Variants in MAGI2 observed in about 807,000 individuals in gnomAD.
MAGI2 encodes the protein membrane-associated guanylate kinase, WW and PDZ domain-containing protein 2.
A neutral mutation model predicts 133.3 loss-of-function variants in MAGI2; 35 were observed. That is an observed-to-expected ratio of 0.26 (90% CI 0.20 to 0.35). MAGI2 has a LOEUF of 0.35. MAGI2 is among the 10% of genes least tolerant of loss of function. MAGI2 has a pLI of 1.00. For synonymous variants in MAGI2, 729 were observed against 710.6 expected (o/e 1.03, Z -0.41); for missense variants, 1,636 against 1,863.4 (o/e 0.88, Z 2.25).
At chr7:79,035,857 G>A (rs190794563) in intron 1 of MAGI2, among the ~76,000 whole-genome samples, 119 of 152,280 alleles carry the variant, frequency 7.8e-4, no homozygotes, top group African/African-American at 2.7e-3. Flanking sequence ...CCTGTAAATT[G>A]AGAAAGTATA....
chr7:79,395,898 T>C (rs1845012610), intron 1 of MAGI2, among the ~76,000 whole-genome samples: 1 of 152,134 alleles, frequency 6.6e-6, no homozygotes, highest in African/African-American at 2.4e-5. Context: ...AAGGAGACCG[T>C]CTAAAATAGG....
intron 16 of MAGI2, among the ~76,000 whole-genome samples, chr7:78,141,905 T>C (rs1822799229): frequency 6.6e-6 from 1 of 152,170 alleles, no homozygotes; most frequent in Non-Finnish European, 1.5e-5. Context: ...AGAGAAACAC[T>C]CAGCAGCCAT....
At chr7:78,688,655 T>C (rs1475533033) in intron 2 of MAGI2, among the ~76,000 whole-genome samples, 3 of 152,172 alleles carry the variant, frequency 2.0e-5, no homozygotes, top group African/African-American at 4.8e-5. Context: ...CTTTTATCAG[T>C]GCGAGGTGGA....
chr7:78,482,684 A>G (rs1240740044), intron 6 of MAGI2, among the ~76,000 whole-genome samples: 2 of 151,948 alleles, frequency 1.3e-5, no homozygotes. Context: ...CATTTATAGA[A>G]TATTTTTGCA....
At chr7:78,730,072 G>A (rs1821219868) in intron 2 of MAGI2, among the ~76,000 whole-genome samples, 1 of 151,946 alleles carries the variant, frequency 6.6e-6, no homozygotes, top group South Asian at 2.1e-4. Context: ...TAAACCAAAT[G>A]CAACTCAAAT....
At chr7:78,581,878 A>C (rs1802873296) in intron 3 of MAGI2, among the ~76,000 whole-genome samples, 1 of 152,196 alleles carries the variant, frequency 6.6e-6, no homozygotes, top group African/African-American at 2.4e-5. Context: ...GGAGGAACTT[A>C]GTAAGGCCTG....
chr7:79,191,499 C>CCTGTAACT (rs929930767), intron 1 of MAGI2, among the ~76,000 whole-genome samples: 1 of 134,952 alleles, frequency 7.4e-6, no homozygotes, highest in African/African-American at 2.8e-5. Context: ...GCTTATGAAG[C>CCTGTAACT]CTGTAACTCT....
At chr7:78,759,132 A>C (rs1374952081) in intron 2 of MAGI2, among the ~76,000 whole-genome samples, 1 of 152,202 alleles carries the variant, frequency 6.6e-6, no homozygotes, top group Non-Finnish European at 1.5e-5. Flanking sequence ...TCACTGTCAG[A>C]AATACATTTT....
intron 2 of MAGI2, among the ~76,000 whole-genome samples, chr7:78,866,432 G>T (rs1794560719): frequency 6.6e-6 from 1 of 152,018 alleles, no homozygotes; most frequent in Non-Finnish European, 1.5e-5. Context: ...TTATGGGTGG[G>T]GGAGGGAAAC....
At chr7:78,284,528 A>G (rs1452222599) in intron 9 of MAGI2, among the ~76,000 whole-genome samples, 1 of 151,768 alleles carries the variant, frequency 6.6e-6, no homozygotes, top group African/African-American at 2.4e-5. Flanking sequence ...CCAGAAGTCA[A>G]TGCAATGTAT....
intron 2 of MAGI2, among the ~76,000 whole-genome samples, chr7:78,725,929 C>G (rs189099724): frequency 6.6e-6 from 1 of 152,150 alleles, no homozygotes; most frequent in African/African-American, 2.4e-5. Flanking sequence ...ACTCCAAACC[C>G]CCTTTACCTA....
chr7:79,369,894 C>A (rs533468426), intron 1 of MAGI2, among the ~76,000 whole-genome samples: 1 of 152,178 alleles, frequency 6.6e-6, no homozygotes, highest in Admixed American at 6.5e-5. Flanking sequence ...TATTCATATT[C>A]CCCTCTCCCA....
chr7:78,889,487 G>A (rs1218561156), intron 2 of MAGI2, among the ~76,000 whole-genome samples: 3 of 152,122 alleles, frequency 2.0e-5, no homozygotes, highest in South Asian at 2.1e-4. Flanking sequence ...AGAAAGGTCG[G>A]GTTACCCACA....
chr7:79,041,898 A>C lies in MAGI2; in HGVS notation c.302-34692T>G, dbSNP rs558744004. Among the ~76,000 whole-genome samples the C allele has an allele frequency of 2.3e-3, 350 of 152,262 alleles. 2 individuals carry two copies. The highest frequency in any genetic ancestry group is 8.1e-3 in the African/African-American group (337 of 41,574). On this transcript the variant is annotated intron_variant, in intron 1 of 21. Transcript: ENST00000354212. ...TAAATATGGAAGTTAACATCATAAAACTTCTAGAAAAACACATGGAAGAAG... is the reference window on the plus strand; with the variant it reads ...TAAATATGGAAGTTAACATCATAAACCTTCTAGAAAAACACATGGAAGAAG...
At chr7:78,603,210 A>G (rs1293830151) in intron 3 of MAGI2, among the ~76,000 whole-genome samples, 2 of 152,240 alleles carry the variant, frequency 1.3e-5, no homozygotes, top group African/African-American at 2.4e-5. Context: ...TTCATAAGGA[A>G]TAGGATCTGG....
chr7:78,048,487 C>T (rs1371365184), intron 21 of MAGI2, among the ~76,000 whole-genome samples: 1 of 152,136 alleles, frequency 6.6e-6, no homozygotes, highest in East Asian at 1.9e-4. Context: ...ATGCCCCCCT[C>T]CACCGATTAC....
At chr7:78,110,199 C>T (rs562577453) in intron 20 of MAGI2, among the ~76,000 whole-genome samples, 115 of 152,336 alleles carry the variant, frequency 7.5e-4, no homozygotes, top group Non-Finnish European at 1.1e-3. Flanking sequence ...TGCTTACTTA[C>T]ATCTGCCCTT....
chr7:78,153,320 G>T (rs562138569), intron 16 of MAGI2, among the ~76,000 whole-genome samples: 1 of 152,308 alleles, frequency 6.6e-6, no homozygotes, highest in Admixed American at 6.5e-5. Flanking sequence ...ACTGAAAGGG[G>T]CGTGCCTTAA....
rs1402933051 is a variant in MAGI2, at chr7:79,408,880, A to C, written c.301+44140T>G. Among the ~76,000 whole-genome samples the C allele has an allele frequency of 2.0e-5, 3 of 152,186 alleles. No individual in the cohort carries two copies. In the East Asian group the frequency reaches 5.8e-4, roughly 29 times the overall value. On this transcript the variant is annotated intron_variant, in intron 1 of 21. Coordinates refer to ENST00000354212, the MANE Select transcript of MAGI2 (RefSeq NM_012301.4). ...TTCTAAAGATGTGAATTCTAAGATA[A>C]ATTCAAATCAATGCCTTGAACATTA...
Sources: allele counts gnomAD v4.1 joint callset (sites outside exome capture counted in the v4.1 genomes callset), GRCh38; gene constraint gnomAD v4.1.1; transcripts MANE v1.5; gene names NCBI Gene and HGNC (gene_info 2026-07-23, HGNC 2026-07-21).